Variants in CDH13 observed in about 807,000 individuals in gnomAD.
CDH13 encodes cadherin 13, also known as cadherin-13.
CDH13 carries 24 observed loss-of-function variants against 63.8 expected under a neutral mutation model. The observed-to-expected ratio is 0.38, with a 90% CI of 0.27 to 0.53. CDH13 has a LOEUF of 0.53. CDH13 is among the 20% of genes least tolerant of loss of function. CDH13 has a pLI of 0.85. For synonymous variants in CDH13, 503 were observed against 355.3 expected (o/e 1.42, Z -4.67); for missense variants, 1,049 against 903.1 (o/e 1.16, Z -2.07).
At chr16:82,753,136 A>G (rs1013456153) in intron 1 of CDH13, among the ~76,000 whole-genome samples, 19 of 152,172 alleles carry the variant, frequency 1.2e-4, no homozygotes, top group African/African-American at 4.6e-4. Context: ...GCTCCTACTT[A>G]TTATTCCTCC....
intron 11 of CDH13, among the ~76,000 whole-genome samples, chr16:83,757,687 A>G (rs11864473): frequency 0.12 from 18,096 of 152,268 alleles, 2,195 homozygotes; most frequent in African/African-American, 0.31. Flanking sequence ...AAAGAAAAAA[A>G]CACAAATTAC....
At chr16:83,508,434 C>T (rs1378452768) in intron 7 of CDH13, 5 of 153,648 alleles carry the variant, frequency 3.3e-5, no homozygotes, top group African/African-American at 4.8e-5. Flanking sequence ...ACCCAGATCC[C>T]CAGGAACCCA....
intron 11 of CDH13, among the ~76,000 whole-genome samples, chr16:83,776,087 A>G (rs760250024): frequency 3.9e-5 from 6 of 152,172 alleles, no homozygotes; most frequent in Non-Finnish European, 8.8e-5. Flanking sequence ...TCATCGCCCA[A>G]AGTAACAAAC....
At chr16:83,691,590 G>T (rs1904889643) in intron 10 of CDH13, among the ~76,000 whole-genome samples, 1 of 152,122 alleles carries the variant, frequency 6.6e-6, no homozygotes, top group South Asian at 2.1e-4. Flanking sequence ...GCCAGGGCAG[G>T]TGGGTCACAA....
At chr16:82,971,445 G>A (rs2151369552) in intron 2 of CDH13, among the ~76,000 whole-genome samples, 1 of 152,348 alleles carries the variant, frequency 6.6e-6, no homozygotes, top group East Asian at 1.9e-4. Flanking sequence ...AACCCTGTGA[G>A]ATGTGTATCA....
intron 2 of CDH13, among the ~76,000 whole-genome samples, chr16:82,884,739 A>G (rs890695569): frequency 5.9e-5 from 9 of 152,146 alleles, no homozygotes; most frequent in African/African-American, 2.2e-4. Context: ...AGCCAACAAG[A>G]CTTAGGCCAC....
chr16:83,057,226 A>C (rs1435975715), intron 3 of CDH13, among the ~76,000 whole-genome samples: 1 of 152,152 alleles, frequency 6.6e-6, no homozygotes, highest in Non-Finnish European at 1.5e-5. Context: ...GGGCCTCCCA[A>C]AGTACTGGCA....
At chr16:83,755,521 A>G (rs1391101834) in intron 11 of CDH13, among the ~76,000 whole-genome samples, 3 of 152,220 alleles carry the variant, frequency 2.0e-5, no homozygotes, top group Non-Finnish European at 2.9e-5. Flanking sequence ...AAACTGATGA[A>G]AAACAATATC....
chr16:83,132,866 T>A (rs2036120893), intron 4 of CDH13, among the ~76,000 whole-genome samples: 1 of 152,162 alleles, frequency 6.6e-6, no homozygotes, highest in Non-Finnish European at 1.5e-5. Flanking sequence ...GAGATGAACA[T>A]CACAGTTTAT....
intron 1 of CDH13, among the ~76,000 whole-genome samples, chr16:82,718,867 G>A (rs372024306): frequency 6.6e-6 from 1 of 152,094 alleles, no homozygotes; most frequent in East Asian, 1.9e-4. Context: ...ATTTGGATGG[G>A]GACACAGCTA....
chr16:83,738,514 C>T (rs1376598243), intron 10 of CDH13, among the ~76,000 whole-genome samples: 5 of 152,154 alleles, frequency 3.3e-5, no homozygotes, highest in Admixed American at 6.5e-5. Flanking sequence ...TGGGTAAATG[C>T]GAGTGGAGTT....
At chr16:83,566,669 T>A (rs1227424560) in intron 7 of CDH13, among the ~76,000 whole-genome samples, 2 of 152,174 alleles carry the variant, frequency 1.3e-5, no homozygotes, top group African/African-American at 4.8e-5. Flanking sequence ...GAGGTTCTGG[T>A]CACTCTCAGG....
chr16:83,180,811 G>T, intron 4 of CDH13: 1 of 1,176,758 alleles, frequency 8.5e-7, no homozygotes, highest in Non-Finnish European at 1.2e-6. Context: ...GTAGTCATTT[G>T]TTGGCTTGTT....
chr16:83,149,386 A>G (rs188210417), intron 4 of CDH13, among the ~76,000 whole-genome samples: 1 of 152,250 alleles, frequency 6.6e-6, no homozygotes, highest in East Asian at 1.9e-4. Flanking sequence ...TTAACTTTAA[A>G]CTCAAGTATT....
intron 5 of CDH13, among the ~76,000 whole-genome samples, chr16:83,321,608 C>T (rs1250477916): frequency 6.9e-6 from 1 of 145,416 alleles, no homozygotes; most frequent in Non-Finnish European, 1.5e-5. Flanking sequence ...GGCTCACTGC[C>T]AGCTCCACAT....
At chr16:82,708,917 C>A (rs2031702753) in intron 1 of CDH13, among the ~76,000 whole-genome samples, 1 of 152,282 alleles carries the variant, frequency 6.6e-6, no homozygotes, top group East Asian at 1.9e-4. Context: ...ACTTGTTTCT[C>A]AGTCTTTTAT....
intron 2 of CDH13, among the ~76,000 whole-genome samples, chr16:82,946,045 T>G (rs953709156): frequency 1.3e-5 from 2 of 152,134 alleles, no homozygotes; most frequent in African/African-American, 4.8e-5. Context: ...CTTATAACTT[T>G]ATATTTCTCT....
intron 3 of CDH13, among the ~76,000 whole-genome samples, chr16:83,105,276 G>A (rs750868942): frequency 6.6e-6 from 1 of 152,196 alleles, no homozygotes; most frequent in Non-Finnish European, 1.5e-5. Flanking sequence ...CCCTGGTTTT[G>A]TATTTGATAC....
intron 5 of CDH13, among the ~76,000 whole-genome samples, chr16:83,249,437 A>T (rs1281044666): frequency 6.6e-6 from 1 of 152,164 alleles, no homozygotes; most frequent in Non-Finnish European, 1.5e-5. Context: ...GCCCCACCAC[A>T]CCCATTATGT....
Sources: allele counts gnomAD v4.1 joint callset (sites outside exome capture counted in the v4.1 genomes callset), GRCh38; gene constraint gnomAD v4.1.1; transcripts MANE v1.5; gene names NCBI Gene and HGNC (gene_info 2026-07-23, HGNC 2026-07-21).